Variants in LDLRAD3 observed in about 807,000 individuals in gnomAD.
The protein encoded by LDLRAD3 is low density lipoprotein receptor class A domain containing 3, also known as low-density lipoprotein receptor class A domain-containing protein 3.
A neutral mutation model predicts 29.4 loss-of-function variants in LDLRAD3; 20 were observed. That is an observed-to-expected ratio of 0.68 (90% CI 0.48 to 0.99). LDLRAD3 has a LOEUF of 0.99. Ranked by LOEUF, LDLRAD3 falls within the 50% of genes least tolerant of loss-of-function variation. LDLRAD3 has a pLI of 0.00. For synonymous variants in LDLRAD3, 157 were observed against 192.7 expected (o/e 0.81, Z 1.53); for missense variants, 420 against 454.3 (o/e 0.92, Z 0.69).
At chr11:35,964,164 A>G (rs995472809) in intron 1 of LDLRAD3, among the ~76,000 whole-genome samples, 54 of 152,252 alleles carry the variant, frequency 3.5e-4, no homozygotes, top group African/African-American at 1.2e-3. Context: ...GAAAGAGGGC[A>G]TTGTCTACTA....
chr11:36,000,173 ACT>A (rs1380315634), intron 1 of LDLRAD3, among the ~76,000 whole-genome samples: 2 of 151,046 alleles, frequency 1.3e-5, no homozygotes, highest in Non-Finnish European at 3.0e-5. Context: ...AGCACACAAA[ACT>A]CTGTGTATGT....
chr11:36,000,484 A>G (rs1258786578), intron 1 of LDLRAD3, among the ~76,000 whole-genome samples: 1 of 151,672 alleles, frequency 6.6e-6, no homozygotes, highest in African/African-American at 2.4e-5. Flanking sequence ...TCTCAGTAAT[A>G]TTTTATTACT....
chr11:36,040,692 C>T (rs115534087), intron 2 of LDLRAD3, among the ~76,000 whole-genome samples: 1,560 of 152,254 alleles, frequency 0.01, 24 homozygotes, highest in African/African-American at 0.035. Context: ...AGGCTAAATT[C>T]TCAGAATTAA....
At chr11:36,034,872 T>G (rs767060224) in intron 1 of LDLRAD3, among the ~76,000 whole-genome samples, 11 of 152,152 alleles carry the variant, frequency 7.2e-5, no homozygotes, top group South Asian at 2.1e-4. Context: ...ACAGCACGCA[T>G]AAAGGATAGT....
intron 4 of LDLRAD3, among the ~76,000 whole-genome samples, chr11:36,103,632 C>T (rs1055106464): frequency 1.3e-5 from 2 of 152,190 alleles, no homozygotes; most frequent in Non-Finnish European, 2.9e-5. Context: ...AAGTCTAAGA[C>T]GTGGAGGTTA....
At chr11:36,183,075 A>G (rs939535660) in intron 4 of LDLRAD3, among the ~76,000 whole-genome samples, 3 of 152,166 alleles carry the variant, frequency 2.0e-5, no homozygotes, top group Non-Finnish European at 4.4e-5. Flanking sequence ...AATGGCTTCT[A>G]GTTTTTGAGT....
rs1006654745 is a variant in LDLRAD3 at position 36,213,770 on chromosome 11, CA to C, written c.455-13314del. On this transcript the variant is annotated intron_variant, in intron 4 of 5. Transcript: ENST00000315571. This position sits in a 1 kb window ranked among gnomAD's most constrained non-coding sequence, Gnocchi z 4.1. ...TTGTGGACCCAGCCAGACTCCCCTC[CA>C]TCGCATCACAGCTTGGAGGCTCTGT... Among the ~76,000 whole-genome samples, 18 of 152,206 alleles carry C rather than the reference CA, an allele frequency of 1.2e-4. No homozygotes were observed. Among genetic ancestry groups the C allele is most frequent in the African/African-American group, 4.3e-4 (18 of 41,450 alleles).
At chr11:36,134,195 G>C (rs1296020907) in intron 4 of LDLRAD3, among the ~76,000 whole-genome samples, 1 of 152,154 alleles carries the variant, frequency 6.6e-6, no homozygotes, top group Non-Finnish European at 1.5e-5. Context: ...ACTGAAAAGG[G>C]AGATCCGGAG....
intron 4 of LDLRAD3, among the ~76,000 whole-genome samples, chr11:36,113,906 T>A (rs1435448915): frequency 1.3e-5 from 2 of 152,128 alleles, no homozygotes; most frequent in African/African-American, 2.4e-5. Context: ...ACTCCTAACC[T>A]CAGGTGATCC....
chr11:36,125,251 T>C (rs1402868004), intron 4 of LDLRAD3, among the ~76,000 whole-genome samples: 1 of 152,188 alleles, frequency 6.6e-6, no homozygotes, highest in East Asian at 1.9e-4. Flanking sequence ...ACAGAGGCAG[T>C]AGAGTGCATT....
intron 4 of LDLRAD3, among the ~76,000 whole-genome samples, chr11:36,188,592 G>C (rs559106303): frequency 3.3e-5 from 5 of 152,066 alleles, no homozygotes; most frequent in Non-Finnish European, 7.4e-5. Context: ...TTGAAATTTC[G>C]TTAGGAAGCT....
At chr11:36,194,383 T>A (rs1590346135) in intron 4 of LDLRAD3, among the ~76,000 whole-genome samples, 1 of 152,146 alleles carries the variant, frequency 6.6e-6, no homozygotes, top group Admixed American at 6.5e-5. Flanking sequence ...GATCAGAACT[T>A]CTAAGGGGCC....
intron 1 of LDLRAD3, among the ~76,000 whole-genome samples, chr11:35,970,429 C>T (rs1851397890): frequency 6.6e-6 from 1 of 152,128 alleles, no homozygotes; most frequent in Non-Finnish European, 1.5e-5. Flanking sequence ...TTGCCAGCAA[C>T]CTCCAGAAGC....
At chr11:35,998,156 A>T (rs1851778518) in intron 1 of LDLRAD3, among the ~76,000 whole-genome samples, 1 of 152,134 alleles carries the variant, frequency 6.6e-6, no homozygotes, top group Non-Finnish European at 1.5e-5. Flanking sequence ...GAGGCTGAGG[A>T]GGTGTTTACC....
At position 36,076,210 on chromosome 11, in the gene LDLRAD3, G is replaced by GTCTGTCCA. The variant is rs1462080584; in HGVS notation, c.194-5440_194-5433dup. ...CACAAGTCAATATTTATTTTTGTCT[G>GTCTGTCCA]TCTGTCCATCCGTCCATCCATCCAT... On this transcript the variant is annotated intron_variant, in intron 2 of 5. Transcript: ENST00000315571. Among the ~76,000 whole-genome samples, 400 of 135,116 alleles carry GTCTGTCCA rather than the reference G, an allele frequency of 3.0e-3. 2 individuals are homozygous for GTCTGTCCA. Among genetic ancestry groups the GTCTGTCCA allele is most frequent in the African/African-American group, 0.011 (376 of 35,420 alleles). The allele number at this position is 135,116 out of a possible 152,430, so 88.6% of individuals were successfully genotyped here. A position where few individuals can be genotyped will look rare whatever the true frequency, so the allele number is the denominator to read the frequency against.
At chr11:36,142,005 C>T (rs10768191) in intron 4 of LDLRAD3, among the ~76,000 whole-genome samples, 30,345 of 152,146 alleles carry the variant, frequency 0.2, 3,249 homozygotes, top group East Asian at 0.33. Context: ...TTCCCTGAAT[C>T]TCAGACAGGA....
At chr11:36,220,429 G>A (rs776867226) in intron 4 of LDLRAD3, among the ~76,000 whole-genome samples, 2 of 152,164 alleles carry the variant, frequency 1.3e-5, no homozygotes, top group African/African-American at 4.8e-5. Context: ...TCCCTCATCT[G>A]GGGAATCAAA....
At chr11:36,130,972 C>A (rs961884785) in intron 4 of LDLRAD3, among the ~76,000 whole-genome samples, 15 of 152,230 alleles carry the variant, frequency 9.9e-5, no homozygotes, top group African/African-American at 2.7e-4. Context: ...GAAGCCTCTA[C>A]CTGGTACCCG....
intron 1 of LDLRAD3, among the ~76,000 whole-genome samples, chr11:35,979,647 T>A (rs1438559892): frequency 6.6e-6 from 1 of 152,184 alleles, no homozygotes; most frequent in East Asian, 1.9e-4. Context: ...TTGTTGGAGT[T>A]TATTTGCCTC....
Sources: gnomAD v4.1 joint callset for allele counts (sites outside exome capture counted in the v4.1 genomes callset) on GRCh38, gnomAD v4.1.1 for gene constraint, Gnocchi (gnomAD v3.1) non-coding constraint, MANE v1.5 for transcripts, NCBI Gene and HGNC (gene_info 2026-07-23, HGNC 2026-07-21) for gene names.